Variants in KALRN observed in about 807,000 individuals in gnomAD.
KALRN encodes the protein kalirin.
In KALRN, 70 loss-of-function variants were observed where a neutral mutation model predicts 353.7. The observed-to-expected ratio is 0.20, with a 90% confidence interval of 0.16 to 0.24. The LOEUF is 0.24. Among genes scored for constraint, KALRN ranks in the 10% least tolerant of loss-of-function variants. The probability of loss-of-function intolerance (pLI) is 1.00; values close to 1 mark genes in which losing one functional copy is unlikely to be tolerated. For synonymous variants in KALRN, 1,391 were observed against 1,434.8 expected (o/e 0.97, Z 0.69); for missense variants, 2,791 against 3,756.7 (o/e 0.74, Z 6.72).
intron 10 of KALRN, among the ~76,000 whole-genome samples, chr3:124,371,934 C>G (rs2085896771): frequency 6.6e-6 from 1 of 152,124 alleles, no homozygotes; most frequent in Non-Finnish European, 1.5e-5. Flanking sequence ...TACCTTACCC[C>G]CAACTCCCTA....
rs137856575 is a variant in KALRN, at chr3:124,396,561, C to T, written c.2171+1218C>T. Among the ~76,000 whole-genome samples, 462 of 152,334 alleles carry T rather than the reference C, an allele frequency of 3.0e-3. 2 individuals carry two copies. Among genetic ancestry groups the T allele is most frequent in the African/African-American group, 0.01 (435 of 41,566 alleles). The stretch of plus-strand genomic sequence containing the variant: ...TAACCTCTCTGGGCCTCAGCTGCTT[C>T]GTCTGTGTAATTAAGGGGTTCACTC... On this transcript the variant is annotated intron_variant, in intron 12 of 59. Transcript: ENST00000682506.
At chr3:124,715,763 G>C (rs1438125224) in intron 58 of KALRN, among the ~76,000 whole-genome samples, 2 of 152,150 alleles carry the variant, frequency 1.3e-5, no homozygotes, top group Admixed American at 1.3e-4. Flanking sequence ...GCATTTCCTG[G>C]GCATGTGCCT....
At chr3:124,700,132 G>T in intron 56 of KALRN, 99 bp downstream of exon 56, 1 of 1,117,616 alleles carries the variant, frequency 8.9e-7, no homozygotes, top group South Asian at 1.4e-5. Flanking sequence ...AGGCCACCAT[G>T]CAAGAGGCAC....
chr3:124,595,852 T>C (rs1423110517), intron 34 of KALRN, among the ~76,000 whole-genome samples: 1 of 152,202 alleles, frequency 6.6e-6, no homozygotes, highest in Non-Finnish European at 1.5e-5. Context: ...GAGAGTATAA[T>C]AAGCGAATGC....
Position 124,037,319 on chromosome 3 carries a change from G to A in KALRN, c.73+3506G>A, listed in dbSNP as rs1334642219. Among the ~76,000 whole-genome samples, 3 of 152,322 alleles carry A rather than the reference G, an allele frequency of 2.0e-5. No individual in the cohort carries two copies. The South Asian group carries it at 6.2e-4, about 32-fold the overall frequency. On this transcript the variant is annotated intron_variant, in intron 1 of 59. Transcript: ENST00000682506. ...GAACTACAGAGGAGGTGGAACTTCG[G>A]GTGGTCCTTGAAGGATGAATGAAGA...
At chr3:124,089,822 G>A (rs1461229948) in intron 1 of KALRN, among the ~76,000 whole-genome samples, 2 of 152,016 alleles carry the variant, frequency 1.3e-5, no homozygotes, top group Non-Finnish European at 2.9e-5. Flanking sequence ...TGAAGACCTA[G>A]GGAAGGGAGT....
chr3:124,549,284 T>A (rs967244606), intron 33 of KALRN, among the ~76,000 whole-genome samples: 1 of 151,142 alleles, frequency 6.6e-6, no homozygotes, highest in African/African-American at 2.4e-5. Flanking sequence ...CTAGAAATAC[T>A]GACTTTTTTT....
chr3:124,629,768 T>A (rs2080531657), intron 34 of KALRN, among the ~76,000 whole-genome samples: 1 of 151,160 alleles, frequency 6.6e-6, no homozygotes, highest in Non-Finnish European at 1.5e-5. Flanking sequence ...TTATCTTTAT[T>A]TTGCATGCTT....
intron 1 of KALRN, among the ~76,000 whole-genome samples, chr3:124,144,125 C>G (rs1257185039): frequency 1.3e-5 from 2 of 152,092 alleles, no homozygotes; most frequent in Non-Finnish European, 2.9e-5. Context: ...CAAATTGACT[C>G]AGTTGTAGCT....
At chr3:124,703,627 T>C (rs2062454401) in intron 57 of KALRN, among the ~76,000 whole-genome samples, 1 of 150,204 alleles carries the variant, frequency 6.7e-6, no homozygotes, top group South Asian at 2.1e-4. Context: ...AGGCTGAGTA[T>C]ATTGTCTTTT....
intron 23 of KALRN, among the ~76,000 whole-genome samples, chr3:124,457,660 C>T (rs1423390074): frequency 6.6e-6 from 1 of 152,136 alleles, no homozygotes; most frequent in African/African-American, 2.4e-5. Context: ...TATGATTATT[C>T]CCATTTTACA....
chr3:124,203,483 T>A (rs1470100139), intron 1 of KALRN, among the ~76,000 whole-genome samples: 1 of 152,332 alleles, frequency 6.6e-6, no homozygotes, highest in African/African-American at 2.4e-5. Flanking sequence ...GTGATTAGCA[T>A]CTTCTATTGT....
chr3:124,432,188 C>A (rs969467655), intron 16 of KALRN, among the ~76,000 whole-genome samples: 1 of 151,994 alleles, frequency 6.6e-6, no homozygotes, highest in Non-Finnish European at 1.5e-5. Flanking sequence ...GATGGGCAGA[C>A]CTCTTGAGAT....
At chr3:124,428,676 A>G (rs2332843) in intron 15 of KALRN, among the ~76,000 whole-genome samples, 80,540 of 152,046 alleles carry the variant, frequency 0.53, 22,433 homozygotes, top group East Asian at 0.78. Context: ...GTCCTGGAAT[A>G]CCTTTTTAAA....
intron 33 of KALRN, among the ~76,000 whole-genome samples, chr3:124,548,922 G>T (rs1398123044): frequency 1.3e-5 from 2 of 152,128 alleles, no homozygotes; most frequent in Non-Finnish European, 2.9e-5. Flanking sequence ...CCAAAGTGCT[G>T]GGATTATAGG....
intron 1 of KALRN, among the ~76,000 whole-genome samples, chr3:124,048,122 C>T (rs1186224687): frequency 6.6e-6 from 1 of 152,080 alleles, no homozygotes; most frequent in Non-Finnish European, 1.5e-5. Context: ...ATACATATGT[C>T]TATTGAACAA....
At chr3:124,126,779 T>G (rs905442994) in intron 1 of KALRN, among the ~76,000 whole-genome samples, 1 of 152,230 alleles carries the variant, frequency 6.6e-6, no homozygotes, top group Non-Finnish European at 1.5e-5. Context: ...CTACTCCATA[T>G]GTTCACAGAT....
chr3:124,092,919 T>A (rs996851322), intron 1 of KALRN, among the ~76,000 whole-genome samples: 2 of 152,136 alleles, frequency 1.3e-5, no homozygotes, highest in African/African-American at 4.8e-5. Context: ...CCGGGTTACT[T>A]CTCTCTGGAG....
chr3:124,250,239 G>A (rs564508176), intron 3 of KALRN, among the ~76,000 whole-genome samples: 1 of 152,358 alleles, frequency 6.6e-6, no homozygotes, highest in East Asian at 1.9e-4. Context: ...CTGTTTCCTG[G>A]AGGAAACATG....
Sources: allele counts gnomAD v4.1 joint callset (sites outside exome capture counted in the v4.1 genomes callset), GRCh38; gene constraint gnomAD v4.1.1; transcripts MANE v1.5; gene names NCBI Gene and HGNC (gene_info 2026-07-23, HGNC 2026-07-21).